The following MYRIP variants were observed in gnomAD, a reference collection of about 807,000 sequenced individuals.
MYRIP encodes myosin VIIA and Rab interacting protein, also known as rab effector MyRIP.
Under a neutral mutation model 98.0 loss-of-function variants are expected in MYRIP, and 49 were observed. The observed-to-expected ratio is 0.50, with a 90% CI of 0.40 to 0.63. The LOEUF (loss-of-function observed/expected upper bound fraction) is 0.63. MYRIP is among the 30% of genes least tolerant of loss of function. The pLI is 0.00. For synonymous variants in MYRIP, 404 were observed against 409.5 expected (o/e 0.99, Z 0.16); for missense variants, 1,004 against 1,058.2 (o/e 0.95, Z 0.71).
chr3:40,061,315 A>G (rs1160656799), intron 3 of MYRIP, among the ~76,000 whole-genome samples: 3 of 152,186 alleles, frequency 2.0e-5, no homozygotes, highest in South Asian at 2.1e-4. Flanking sequence ...GCTTCCACCT[A>G]TAAGTGAGAA....
chr3:39,986,579 C>T (rs1431733858), intron 2 of MYRIP, among the ~76,000 whole-genome samples: 4 of 152,098 alleles, frequency 2.6e-5, no homozygotes, highest in Non-Finnish European at 5.9e-5. Context: ...AAGGATATTC[C>T]ACAGTGGATG....
chr3:40,121,275 C>T (rs1206294633), intron 3 of MYRIP, among the ~76,000 whole-genome samples: 2 of 152,294 alleles, frequency 1.3e-5, no homozygotes, highest in East Asian at 1.9e-4. Context: ...AACGTATTCT[C>T]ATATAGATCT....
chr3:40,092,522 G>A (rs188519178), intron 3 of MYRIP, among the ~76,000 whole-genome samples: 63 of 152,272 alleles, frequency 4.1e-4, no homozygotes, highest in African/African-American at 1.3e-3. Flanking sequence ...GCTTGGGACC[G>A]TCTAGGATCC....
At chr3:40,227,572 A>G (rs945395341) in intron 11 of MYRIP, among the ~76,000 whole-genome samples, 1 of 152,176 alleles carries the variant, frequency 6.6e-6, no homozygotes, top group Non-Finnish European at 1.5e-5. Context: ...TTAAAATATT[A>G]TTATTTGGCA....
At chr3:40,217,711 G>A (rs1365185903) in intron 11 of MYRIP, among the ~76,000 whole-genome samples, 2 of 152,070 alleles carry the variant, frequency 1.3e-5, no homozygotes, top group African/African-American at 4.8e-5. Context: ...AAATGAAATT[G>A]ATTTTCATCA....
At chr3:39,817,179 C>T (rs1249234354) in intron 1 of MYRIP, among the ~76,000 whole-genome samples, 1 of 152,202 alleles carries the variant, frequency 6.6e-6, no homozygotes, top group Non-Finnish European at 1.5e-5. Flanking sequence ...TGACAATCTG[C>T]AGAAAACACT....
intron 12 of MYRIP, among the ~76,000 whole-genome samples, chr3:40,241,718 G>T (rs1197939124): frequency 6.6e-6 from 1 of 152,150 alleles, no homozygotes; most frequent in East Asian, 1.9e-4. Flanking sequence ...AAGAGCCAGT[G>T]AATGCAATCA....
intron 3 of MYRIP, among the ~76,000 whole-genome samples, chr3:40,057,799 G>A (rs1422740707): frequency 6.6e-6 from 1 of 152,212 alleles, no homozygotes; most frequent in African/African-American, 2.4e-5. Flanking sequence ...CTATATCCAT[G>A]CATTAAGTTC....
rs549880586 is a variant in MYRIP, at chr3:39,970,066, T to C, written c.110+69140T>C. 119 of 152,266 alleles carry C rather than the reference T, an allele frequency of 7.8e-4. 1 individual carries two copies. The highest frequency in any genetic ancestry group is 2.7e-3 in the African/African-American group (111 of 41,560). The allele number at this position is 152,266 out of a possible 1,614,324, so 9.4% of individuals were successfully genotyped here. ...AGTCTTGGGAGAGTGTGTCCAGTAA[T>C]TCATCTGTCTCTTCTAGGTTTTCTA... is the stretch of plus-strand genomic sequence containing the variant. On this transcript the variant is annotated intron_variant, in intron 2 of 16. Coordinates refer to ENST00000302541, the MANE Select transcript of MYRIP (RefSeq NM_015460.4).
chr3:39,841,816 T>C (rs1245518549), intron 1 of MYRIP, among the ~76,000 whole-genome samples: 1 of 152,198 alleles, frequency 6.6e-6, no homozygotes, highest in Non-Finnish European at 1.5e-5. Context: ...TGCTGCTTCT[T>C]CTTCCTCTGG....
chr3:40,063,744 C>T (rs1948070129), intron 3 of MYRIP, among the ~76,000 whole-genome samples: 2 of 152,326 alleles, frequency 1.3e-5, no homozygotes, highest in South Asian at 2.1e-4. Context: ...CTGGTTCACT[C>T]TTTCAGCAAG....
At chr3:40,159,049 G>T (rs891247132) in intron 4 of MYRIP, among the ~76,000 whole-genome samples, 12 of 151,136 alleles carry the variant, frequency 7.9e-5, no homozygotes, top group East Asian at 2.0e-4. Flanking sequence ...GATGTTAGCT[G>T]GTTATTTTGC....
intron 1 of MYRIP, among the ~76,000 whole-genome samples, chr3:39,884,051 A>G (rs1277365225): frequency 6.6e-6 from 1 of 152,168 alleles, no homozygotes; most frequent in African/African-American, 2.4e-5. Flanking sequence ...ACGTTATATT[A>G]AAACTGAAAA....
At chr3:40,203,950 T>A (rs866866916) in intron 10 of MYRIP, among the ~76,000 whole-genome samples, 50 of 1,016 alleles carry the variant, frequency 0.049, 3 homozygotes, top group African/African-American at 0.12. Context: ...ATTATATATA[T>A]TATATATTAT....
intron 1 of MYRIP, among the ~76,000 whole-genome samples, chr3:39,856,894 G>T (rs912549486): frequency 2.6e-5 from 4 of 152,292 alleles, no homozygotes; most frequent in East Asian, 3.9e-4. Flanking sequence ...CAAAGGAAAT[G>T]AACAAAGCAC....
intron 2 of MYRIP, among the ~76,000 whole-genome samples, chr3:39,996,372 G>C (rs530682656): frequency 6.6e-6 from 1 of 152,146 alleles, no homozygotes; most frequent in East Asian, 1.9e-4. Context: ...AAAAAGGCAG[G>C]GGTTGCAATC....
At chr3:40,040,705 C>T (rs1237164384) in intron 2 of MYRIP, among the ~76,000 whole-genome samples, 2 of 61,084 alleles carry the variant, frequency 3.3e-5, no homozygotes, top group African/African-American at 1.1e-4. Context: ...TGGAAACCAT[C>T]ATTCTCAGTA....
chr3:39,960,473 C>T (rs1559538304), intron 2 of MYRIP, among the ~76,000 whole-genome samples: 1 of 151,950 alleles, frequency 6.6e-6, no homozygotes, highest in Non-Finnish European at 1.5e-5. Context: ...CCCTCTTTTC[C>T]CTAATCATGG....
intron 3 of MYRIP, among the ~76,000 whole-genome samples, chr3:40,056,022 T>G (rs1947878853): frequency 1.3e-5 from 2 of 152,356 alleles, no homozygotes; most frequent in Non-Finnish European, 2.9e-5. Flanking sequence ...CAGAGGGGTT[T>G]TGATGTTAAC....
Sources: gnomAD v4.1 joint callset for allele counts (sites outside exome capture counted in the v4.1 genomes callset) on GRCh38, gnomAD v4.1.1 for gene constraint, MANE v1.5 for transcripts, NCBI Gene and HGNC (gene_info 2026-07-23, HGNC 2026-07-21) for gene names.